Variants in GTF3C1 observed in about 807,000 individuals in gnomAD.
GTF3C1 encodes general transcription factor IIIC subunit 1.
A neutral mutation model predicts 226.7 loss-of-function variants in GTF3C1; 57 were observed. The observed-to-expected ratio is 0.25, with a 90% CI of 0.20 to 0.31. The LOEUF (loss-of-function observed/expected upper bound fraction) is 0.31. Among genes scored for constraint, GTF3C1 ranks in the 10% least tolerant of loss-of-function variants. The pLI is 1.00. For missense variants in GTF3C1, 2,217 were observed against 2,776.1 expected (o/e 0.80, Z 4.53); for synonymous variants, 1,090 against 1,084.8 (o/e 1.00, Z -0.09).
In GTF3C1 at chr16:27,507,070, G is replaced by C; in HGVS notation, c.1329C>G (p.Tyr443Ter). The C allele has an allele frequency of 6.2e-7, 1 of 1,613,748 alleles. No homozygotes were observed. Among genetic ancestry groups the C allele is most frequent in the Non-Finnish European group, 8.5e-7 (1 of 1,179,906 alleles). The part of the protein sequence containing the change: ...FAEESDLSRQ[Y>*]QREKARSELL... The stretch of plus-strand genomic sequence containing the variant: ...GCTCGCTGCGGGCCTTCTCTCTTTG[G>C]TACTGCCGGCTTAGGTCGCTCTCCT... Residue 443 changes from tyrosine to a stop codon, truncating the protein, a stop_gained, in exon 9 of 37, where the codon TAC becomes TAG. Coordinates refer to ENST00000356183, the MANE Select transcript of GTF3C1 (RefSeq NM_001520.4). LOFTEE classifies it high-confidence loss of function. The surrounding 1 kb of genome is among the most constrained non-coding windows in gnomAD (Gnocchi z 4.9).
intron 23 of GTF3C1, among the ~76,000 whole-genome samples, chr16:27,486,459 G>A (rs2088140047): frequency 6.6e-6 from 1 of 152,182 alleles, no homozygotes; most frequent in South Asian, 2.1e-4. Context: ...CACTGTGACA[G>A]AGTCCTTTGA....
chr16:27,517,778 T>TA (rs1204449973), intron 6 of GTF3C1, among the ~76,000 whole-genome samples: 1 of 152,220 alleles, frequency 6.6e-6, no homozygotes, highest in East Asian at 1.9e-4. Flanking sequence ...TGATTTTACT[T>TA]ACTCATCACG....
chr16:27,527,521 G>C (rs564419090), intron 6 of GTF3C1, among the ~76,000 whole-genome samples: 181 of 152,148 alleles, frequency 1.2e-3, no homozygotes, highest in African/African-American at 4.2e-3. Flanking sequence ...TGCTCCTTAA[G>C]TTAACTTTCT....
chr16:27,545,288 A>T, intron 2 of GTF3C1, 26 bp downstream of exon 2: 1 of 1,552,478 alleles, frequency 6.4e-7, no homozygotes, highest in Non-Finnish European at 8.9e-7. Flanking sequence ...GATTCCCAGG[A>T]ATTTCTGATG....
At position 27,492,842 on chromosome 16, in the gene GTF3C1, C is replaced by T. The variant is rs2088253930; in HGVS notation, c.2877-129G>A. On this transcript the variant is annotated intron_variant, in intron 17 of 36. Transcript: ENST00000356183. This position sits in a 1 kb window ranked among gnomAD's most constrained non-coding sequence, Gnocchi z 5.0. ...CACCTGGTGGTCACTGGAGGACCAG[C>T]CTCAAGCCCACACTGCACTAAGGCC... 1 of 674,796 alleles carries T rather than the reference C, an allele frequency of 1.5e-6. No individual in the cohort carries two copies. The highest frequency in any genetic ancestry group is 1.7e-5 in the South Asian group (1 of 60,402). The allele number at this position is 674,796 out of a possible 1,614,324, so 41.8% of individuals were successfully genotyped here.
chr16:27,467,600 T>C (rs1349110082), intron 32 of GTF3C1, among the ~76,000 whole-genome samples: 1 of 152,222 alleles, frequency 6.6e-6, no homozygotes, highest in Non-Finnish European at 1.5e-5. Flanking sequence ...CCGGACACAG[T>C]GGCTCACGCC....
chr16:27,476,555 G>C lies in GTF3C1; in HGVS notation c.4260-11C>G. On this transcript the variant is annotated splice_polypyrimidine_tract_variant and intron_variant, in intron 28 of 36. Transcript: ENST00000356183. Reference sequence around the variant, plus strand: ...TGGATGTCATCCACGCTGAAAGAGAGGGGGCAGCAGGGCACCATGAGACCA... The same window carrying C: ...TGGATGTCATCCACGCTGAAAGAGACGGGGCAGCAGGGCACCATGAGACCA... 1 of 1,510,066 alleles carries C rather than the reference G, an allele frequency of 6.6e-7. No individual in the cohort carries two copies. Among genetic ancestry groups the C allele is most frequent in the East Asian group, 2.3e-5 (1 of 44,352 alleles). The allele number at this position is 1,510,066 out of a possible 1,614,324, so 93.5% of individuals were successfully genotyped here.
At chr16:27,513,652 C>T (rs1447889972) in intron 6 of GTF3C1, among the ~76,000 whole-genome samples, 1 of 152,134 alleles carries the variant, frequency 6.6e-6, no homozygotes. Flanking sequence ...AGGAACACTG[C>T]CCCGCAAACA....
intron 6 of GTF3C1, 36 bp from the exon 7 acceptor site, chr16:27,511,937 G>A: frequency 6.2e-7 from 1 of 1,611,270 alleles, no homozygotes; most frequent in Non-Finnish European, 8.5e-7. Flanking sequence ...AGCAATGAGT[G>A]AAAGCAGTGC....
At chr16:27,519,801 G>C (rs2088717657) in intron 6 of GTF3C1, among the ~76,000 whole-genome samples, 1 of 152,178 alleles carries the variant, frequency 6.6e-6, no homozygotes, top group South Asian at 2.1e-4. Context: ...TGCATGCTTA[G>C]AAGGACTAGA....
At chr16:27,518,432 A>G (rs1263930560) in intron 6 of GTF3C1, among the ~76,000 whole-genome samples, 1 of 152,226 alleles carries the variant, frequency 6.6e-6, no homozygotes, top group Non-Finnish European at 1.5e-5. Context: ...AATAGGGACA[A>G]TAATAGTATC....
In GTF3C1 at chr16:27,511,821, C is replaced by T. The variant is rs761133580; in HGVS notation, c.1054G>A (p.Val352Ile). ...ACTGGAGGCACTGTCTTGGAGATGA[C>T]CTCCTCGTCCTCGTCATCATCATGG... ...NDHDDDEDEE[V>I]ISKTVPPVDI... The change falls in exon 7 of 37, where the codon GTC (valine) becomes ATC (isoleucine). Residue 352 changes from valine (V) to isoleucine (I), a missense_variant. By Grantham distance (29) the Val-to-Ile change is conservative. Coordinates refer to ENST00000356183, the MANE Select transcript of GTF3C1 (RefSeq NM_001520.4). 1.9e-6 allele frequency: 3 copies of T among 1,614,146 alleles called. No homozygotes were observed. The highest frequency in any genetic ancestry group is 3.3e-5 in the Admixed American group (2 of 60,022).
chr16:27,488,956 T>G, intron 21 of GTF3C1, 87 bp downstream of exon 21: 1 of 1,236,330 alleles, frequency 8.1e-7, no homozygotes, highest in Non-Finnish European at 1.2e-6. Context: ...CGGAAGCCAG[T>G]ATTTGTGTCT....
At position 27,469,094 on chromosome 16, in the gene GTF3C1, A is replaced by G. The variant is rs943503945; in HGVS notation, c.5074+197T>C. ...GGCGGTGCGGGGAGCTTTCCCACAG[A>G]GGTGTGGGCACAGCACAGGCACCTG... On this transcript the variant is annotated intron_variant, in intron 32 of 36. Coordinates refer to ENST00000356183, the MANE Select transcript of GTF3C1 (RefSeq NM_001520.4). This position sits in a 1 kb window ranked among gnomAD's most constrained non-coding sequence, Gnocchi z 4.5. Among the ~76,000 whole-genome samples, 1 of 152,188 alleles carries G rather than the reference A, an allele frequency of 6.6e-6. No individual in the cohort carries two copies. Among genetic ancestry groups the G allele is most frequent in the African/African-American group, 2.4e-5 (1 of 41,444 alleles).
Position 27,492,588 on chromosome 16 carries a change from T to G in GTF3C1, c.2973+29A>C. 1 of 1,554,130 alleles carries G rather than the reference T, an allele frequency of 6.4e-7. No individual in the cohort carries two copies. Among genetic ancestry groups the G allele is most frequent in the Non-Finnish European group, 8.9e-7 (1 of 1,125,402 alleles). Reference sequence around the variant, plus strand: ...TTGGAGACCGTTTAACAATCAGAATTTCCTTCGTTTGGGCTTGAGGGACAT... The same window carrying G: ...TTGGAGACCGTTTAACAATCAGAATGTCCTTCGTTTGGGCTTGAGGGACAT... On this transcript the variant is annotated intron_variant, in intron 18 of 36. Coordinates refer to ENST00000356183, the MANE Select transcript of GTF3C1 (RefSeq NM_001520.4). The surrounding 1 kb of genome is among the most constrained non-coding windows in gnomAD (Gnocchi z 5.0).
Position 27,488,640 on chromosome 16 carries a change from G to T in GTF3C1, c.3430-5C>A. ...ATTCTCTGCGGCAGTGTTCTCCTGTGAGACAAGCACAGCACTGGGATGAAG... is the reference window on the plus strand; with the variant it reads ...ATTCTCTGCGGCAGTGTTCTCCTGTTAGACAAGCACAGCACTGGGATGAAG... On this transcript the variant is annotated splice_polypyrimidine_tract_variant and splice_region_variant and intron_variant, in intron 21 of 36. Coordinates refer to ENST00000356183, the MANE Select transcript of GTF3C1 (RefSeq NM_001520.4). 1 of 1,609,782 alleles carries T rather than the reference G, an allele frequency of 6.2e-7. No individual in the cohort carries two copies.
In GTF3C1 at chr16:27,469,269, C is replaced by T. The variant is rs371203620; in HGVS notation, c.5074+22G>A. 19 of 1,539,242 alleles carry T rather than the reference C, an allele frequency of 1.2e-5. No homozygotes were observed. In the African/African-American group the frequency reaches 2.3e-4, roughly 19 times the overall value. The stretch of plus-strand genomic sequence containing the variant: ...ATGATGGCGAGGCCAGGCCCTCCCA[C>T]AGCACCAGCAGGAGCACTCACCAGC... On this transcript the variant is annotated intron_variant, in intron 32 of 36. Coordinates refer to ENST00000356183, the MANE Select transcript of GTF3C1 (RefSeq NM_001520.4). This position sits in a 1 kb window ranked among gnomAD's most constrained non-coding sequence, Gnocchi z 4.5.
chr16:27,501,143 T>A, intron 12 of GTF3C1, 48 bp downstream of exon 12: 1 of 1,541,242 alleles, frequency 6.5e-7, no homozygotes, highest in Non-Finnish European at 8.9e-7. Context: ...GACAAAAACT[T>A]CCAACAGCAC....
chr16:27,523,986 T>A (rs1202324533), intron 6 of GTF3C1, among the ~76,000 whole-genome samples: 1 of 152,238 alleles, frequency 6.6e-6, no homozygotes, highest in Admixed American at 6.5e-5. Context: ...CTGTCTGTGC[T>A]GTAAGTCATG....
Sources: gnomAD v4.1 joint callset for allele counts (sites outside exome capture counted in the v4.1 genomes callset) on GRCh38, gnomAD v4.1.1 for gene constraint, Gnocchi (gnomAD v3.1) non-coding constraint, MANE v1.5 for transcripts, NCBI Gene and HGNC (gene_info 2026-07-23, HGNC 2026-07-21) for gene names.